KIR2DL1: variants seen among roughly 807,000 people sequenced by gnomAD.
The protein encoded by KIR2DL1 is killer cell immunoglobulin-like receptor 2DL1.
A neutral mutation model predicts 33.9 loss-of-function variants in KIR2DL1; 38 were observed. That is an observed-to-expected ratio of 1.12 (90% CI 0.86 to 1.47). The LOEUF (loss-of-function observed/expected upper bound fraction) is 1.47. Among genes scored for constraint, KIR2DL1 ranks in the 40% most tolerant of loss-of-function variants. The pLI is 0.00. For missense variants in KIR2DL1, 531 were observed against 433.9 expected (o/e 1.22, Z -1.99); for synonymous variants, 179 against 165.9 (o/e 1.08, Z -0.61).
chr19:54,770,328 G>A (rs2075534745), intron 1 of KIR2DL1, among the ~76,000 whole-genome samples: 1 of 145,974 alleles, frequency 6.9e-6, no homozygotes, highest in Non-Finnish European at 1.5e-5. Flanking sequence ...ATCTGGGCCT[G>A]GAGTGGAGAT....
At chr19:54,772,974 C>A (rs1282567872) in intron 2 of KIR2DL1, among the ~76,000 whole-genome samples, 1 of 148,076 alleles carries the variant, frequency 6.8e-6, no homozygotes, top group Admixed American at 6.9e-5. Context: ...CCAATTCGTC[C>A]AAAAGAGATT....
At chr19:54,774,981 C>A (rs2076152783) in intron 3 of KIR2DL1, among the ~76,000 whole-genome samples, 184 bp from the exon 4 acceptor site, 1 of 147,536 alleles carries the variant, frequency 6.8e-6, no homozygotes, top group Non-Finnish European at 1.5e-5. Flanking sequence ...GAAGTGAGGT[C>A]AGAGACCTAG....
At chr19:54,783,065 T>C in intron 6 of KIR2DL1, 42 bp downstream of exon 6, 1 of 1,594,178 alleles carries the variant, frequency 6.3e-7, no homozygotes, top group East Asian at 2.2e-5. Context: ...CAGGGCCATG[T>C]GGGGAAGCAG....
At position 54,784,313 on chromosome 19, in the gene KIR2DL1, T is replaced by A. The variant is rs2147703793; in HGVS notation, c.*500T>A. ...GTTTTCCATCCTTCAAATAAACATG[T>A]CTGCCCCCATGGTTTCGGTAATGGG... On this transcript the variant is annotated 3_prime_UTR_variant, in exon 8 of 8. Transcript: ENST00000336077. The A allele has an allele frequency of 4.2e-6, 1 of 236,472 alleles. No homozygotes were observed. Among genetic ancestry groups the A allele is most frequent in the Middle Eastern group, 1.5e-3 (1 of 648 alleles). 14.6% of individuals were successfully genotyped at this position (236,472 alleles called of 1,614,324 possible).
chr19:54,774,676 T>TAG (rs1421048639), intron 3 of KIR2DL1, among the ~76,000 whole-genome samples: 3 of 147,190 alleles, frequency 2.0e-5, no homozygotes, highest in African/African-American at 5.0e-5. Context: ...AGAGAAATCA[T>TAG]AGAGAGAGAG....
rs1012272031 is a variant in KIR2DL1, at chr19:54,772,620, C to T, written c.71-713C>T. Among the ~76,000 whole-genome samples the T allele has an allele frequency of 4.1e-5, 6 of 145,984 alleles. No individual in the cohort carries two copies. In the Admixed American group the frequency reaches 4.2e-4, roughly 10 times the overall value. On this transcript the variant is annotated intron_variant, in intron 2 of 7. Coordinates refer to ENST00000336077, the MANE Select transcript of KIR2DL1 (RefSeq NM_014218.3). ...CTTGGGAGGCTGAGGGCAGGAGAATCACTTGAACCCAGGAGACAGAGGTTG... is the reference window on the plus strand; with the variant it reads ...CTTGGGAGGCTGAGGGCAGGAGAATTACTTGAACCCAGGAGACAGAGGTTG...
chr19:54,783,540 T>C lies in KIR2DL1; in HGVS notation c.870+2T>C, dbSNP rs1282448460. On this transcript the variant is annotated splice_donor_variant, in intron 7 of 7. Coordinates refer to ENST00000336077, the MANE Select transcript of KIR2DL1 (RefSeq NM_014218.3). LOFTEE classifies it high-confidence loss of function. ...GGAAACAGAACAGCGAATAGCGAGG[T>C]AGGTACTCCTCGGCCCGGGCTCGTG... 3 of 1,613,726 alleles carry C rather than the reference T, an allele frequency of 1.9e-6. No individual in the cohort carries two copies. The South Asian group carries it at 3.3e-5, about 18-fold the overall frequency.
intron 4 of KIR2DL1, among the ~76,000 whole-genome samples, chr19:54,776,274 CCCTTTTCTT>C (rs2076329766): frequency 6.8e-6 from 1 of 147,500 alleles, no homozygotes; most frequent in Admixed American, 6.9e-5. Context: ...TTACCCTCCA[CCCTTTTCTT>C]CCTGTCCTCC....
At chr19:54,780,773 G>A (rs62123002) in intron 5 of KIR2DL1, among the ~76,000 whole-genome samples, 24,499 of 133,060 alleles carry the variant, frequency 0.18, 73 homozygotes, top group Non-Finnish European at 0.25. Context: ...TTTAATCCTC[G>A]CTTAATTAAT....
chr19:54,771,517 T>C (rs983579444), intron 2 of KIR2DL1, among the ~76,000 whole-genome samples: 2 of 147,252 alleles, frequency 1.4e-5, no homozygotes, highest in Non-Finnish European at 3.0e-5. Context: ...ATAGCAGCCA[T>C]AGAAACTTGG....
chr19:54,774,740 T>A (rs1365576857), intron 3 of KIR2DL1, among the ~76,000 whole-genome samples: 1 of 147,680 alleles, frequency 6.8e-6, no homozygotes, highest in African/African-American at 2.5e-5. Flanking sequence ...AGACAATTGA[T>A]GGATAAATAG....
At chr19:54,782,884 T>C (rs1327782024) in intron 5 of KIR2DL1, 38 bp from the exon 6 acceptor site, 1 of 1,595,672 alleles carries the variant, frequency 6.3e-7, no homozygotes, top group Non-Finnish European at 8.6e-7. Flanking sequence ...GAGGAACTGC[T>C]AAGATTAGCT....
intron 5 of KIR2DL1, among the ~76,000 whole-genome samples, chr19:54,779,667 C>T (rs1219745698): frequency 6.7e-6 from 1 of 148,504 alleles, no homozygotes; most frequent in Non-Finnish European, 1.5e-5. Flanking sequence ...TTCATTCCTC[C>T]TTTCCATGTA....
intron 5 of KIR2DL1, among the ~76,000 whole-genome samples, chr19:54,779,512 G>A (rs1388119784): frequency 4.1e-5 from 6 of 145,848 alleles, no homozygotes; most frequent in African/African-American, 1.5e-4. Flanking sequence ...TCTGAGTGCT[G>A]CTCTCCCTTC....
At position 54,783,034 on chromosome 19, in the gene KIR2DL1, C is replaced by A; in HGVS notation, c.817+11C>A. The A allele has an allele frequency of 1.9e-6, 3 of 1,611,540 alleles. No homozygotes were observed. Among genetic ancestry groups the A allele is most frequent in the Middle Eastern group, 1.7e-4 (1 of 6,060 alleles). On this transcript the variant is annotated intron_variant, in intron 6 of 7. Coordinates refer to ENST00000336077, the MANE Select transcript of KIR2DL1 (RefSeq NM_014218.3). ...GCTCCAACAAAAAAAGTAAGTCTCA[C>A]GAAGCAGAGGCCAGAGAGCTCAGGG...
chr19:54,781,963 A>G (rs1249343976), intron 5 of KIR2DL1, among the ~76,000 whole-genome samples: 3 of 151,966 alleles, frequency 2.0e-5, no homozygotes, highest in Non-Finnish European at 4.4e-5. Flanking sequence ...CCTATCACTC[A>G]CCGTCACTCC....
At position 54,769,821 on chromosome 19, in the gene KIR2DL1, T is replaced by A; in HGVS notation, c.-30T>A. 7.9e-7 allele frequency: 1 copy of A among 1,271,422 alleles called. No homozygotes were observed. The highest frequency in any genetic ancestry group is 2.6e-5 in the East Asian group (1 of 37,810). The allele number at this position is 1,271,422 out of a possible 1,614,324, so 78.8% of individuals were successfully genotyped here. A position where few individuals can be genotyped will look rare whatever the true frequency, so the allele number is the denominator to read the frequency against. On this transcript the variant is annotated 5_prime_UTR_variant, in exon 1 of 8. Coordinates refer to ENST00000336077, the MANE Select transcript of KIR2DL1 (RefSeq NM_014218.3). ...CTGTGCGCTGCTGAGCTGAGCTCGGTCGCGGCTGCCTGTCTGCTCCGGCAG... is the reference window on the plus strand; with the variant it reads ...CTGTGCGCTGCTGAGCTGAGCTCGGACGCGGCTGCCTGTCTGCTCCGGCAG...
chr19:54,783,029 T>C lies in KIR2DL1; in HGVS notation c.817+6T>C, dbSNP rs1307213707. The C allele has an allele frequency of 6.2e-7, 1 of 1,612,572 alleles. No individual in the cohort carries two copies. Among genetic ancestry groups the C allele is most frequent in the African/African-American group, 1.3e-5 (1 of 74,812 alleles). ...CTGGTGCTCCAACAAAAAAAGTAAGTCTCACGAAGCAGAGGCCAGAGAGCT... is the reference window on the plus strand; with the variant it reads ...CTGGTGCTCCAACAAAAAAAGTAAGCCTCACGAAGCAGAGGCCAGAGAGCT... On this transcript the variant is annotated splice_donor_region_variant and intron_variant, in intron 6 of 7. Coordinates refer to ENST00000336077, the MANE Select transcript of KIR2DL1 (RefSeq NM_014218.3).
Position 54,771,383 on chromosome 19 carries a change from T to C in KIR2DL1, c.70+499T>C, listed in dbSNP as rs890982752. ...TTTTATGTGAGTAATCTTACAGTATTAAAATCTAGTAGGAGTCTCTTACTC... is the reference window on the plus strand; with the variant it reads ...TTTTATGTGAGTAATCTTACAGTATCAAAATCTAGTAGGAGTCTCTTACTC... On this transcript the variant is annotated intron_variant, in intron 2 of 7. Transcript: ENST00000336077. Among the ~76,000 whole-genome samples the C allele has an allele frequency of 2.4e-4, 35 of 148,292 alleles. 1 individual carries two copies. The highest frequency in any genetic ancestry group is 4.8e-4 in the Non-Finnish European group (32 of 66,182).
Sources: allele counts gnomAD v4.1 joint callset (sites outside exome capture counted in the v4.1 genomes callset), GRCh38; gene constraint gnomAD v4.1.1; transcripts MANE v1.5; gene names NCBI Gene and HGNC (gene_info 2026-07-23, HGNC 2026-07-21).